GNAL: variants seen among roughly 807,000 people sequenced by gnomAD.
GNAL encodes G protein subunit alpha L.
A neutral mutation model predicts 55.1 loss-of-function variants in GNAL; 18 were observed. That is an observed-to-expected ratio of 0.33 (90% CI 0.23 to 0.48). The LOEUF (loss-of-function observed/expected upper bound fraction) is 0.48. Among genes scored for constraint, GNAL ranks in the 20% least tolerant of loss-of-function variants. The pLI, the probability that GNAL is intolerant of heterozygous loss-of-function variation, is 0.99. For synonymous variants in GNAL, 253 were observed against 237.0 expected (o/e 1.07, Z -0.62); for missense variants, 412 against 614.1 (o/e 0.67, Z 3.48).
At chr18:11,777,281 C>A (rs966720305) in intron 4 of GNAL, among the ~76,000 whole-genome samples, 1 of 152,178 alleles carries the variant, frequency 6.6e-6, no homozygotes, top group Non-Finnish European at 1.5e-5. Flanking sequence ...GTGAGAATTT[C>A]TCACTTCTAA....
intron 4 of GNAL, chr18:11,810,260 G>A (rs1388381012): frequency 6.6e-6 from 1 of 152,310 alleles, no homozygotes; most frequent in African/African-American, 2.4e-5. Context: ...CAGGCGTGGT[G>A]GTGTGCGCCT....
At chr18:11,775,649 T>G (rs2033762416) in intron 4 of GNAL, among the ~76,000 whole-genome samples, 1 of 152,186 alleles carries the variant, frequency 6.6e-6, no homozygotes, top group African/African-American at 2.4e-5. Context: ...AAGAGGAAGA[T>G]GCACATCAGA....
chr18:11,828,073 G>C (rs1455913842), intron 5 of GNAL, among the ~76,000 whole-genome samples: 3 of 152,232 alleles, frequency 2.0e-5, no homozygotes, highest in East Asian at 1.9e-4. Context: ...TTGCTCTCAT[G>C]TTATTTGGTT....
intron 10 of GNAL, among the ~76,000 whole-genome samples, chr18:11,874,684 G>C (rs755128786): frequency 9.4e-5 from 14 of 148,240 alleles, no homozygotes; most frequent in Non-Finnish European, 1.9e-4. Context: ...ATGGTACACG[G>C]ACACTCTGGG....
At chr18:11,757,573 C>T (rs1054146909) in intron 4 of GNAL, among the ~76,000 whole-genome samples, 4 of 152,094 alleles carry the variant, frequency 2.6e-5, no homozygotes, top group Non-Finnish European at 4.4e-5. Context: ...TTAGACTTGT[C>T]GGCATGTGGA....
intron 4 of GNAL, among the ~76,000 whole-genome samples, chr18:11,795,390 C>CA (rs752221474): frequency 0.018 from 1,222 of 67,786 alleles, 17 homozygotes; most frequent in African/African-American, 0.039. Flanking sequence ...GACCCTGTCT[C>CA]AAAAAAAAAA....
At chr18:11,728,340 A>G (rs2032258929) in intron 1 of GNAL, among the ~76,000 whole-genome samples, 1 of 152,214 alleles carries the variant, frequency 6.6e-6, no homozygotes, top group Admixed American at 6.5e-5. Context: ...CTGATGATTT[A>G]AAAGGACTCA....
intron 10 of GNAL, among the ~76,000 whole-genome samples, chr18:11,875,600 C>A (rs2036512638): frequency 6.6e-6 from 1 of 152,158 alleles, no homozygotes; most frequent in South Asian, 2.1e-4. Context: ...CGCTCCTGCC[C>A]TGGCCACGTG....
intron 4 of GNAL, among the ~76,000 whole-genome samples, chr18:11,768,547 G>T (rs2033484757): frequency 6.6e-6 from 1 of 151,902 alleles, no homozygotes; most frequent in Non-Finnish European, 1.5e-5. Flanking sequence ...GTTGCGGTGA[G>T]CTGAGATCAC....
At chr18:11,819,707 A>G (rs1204926489) in intron 4 of GNAL, among the ~76,000 whole-genome samples, 1 of 152,072 alleles carries the variant, frequency 6.6e-6, no homozygotes, top group African/African-American at 2.4e-5. Context: ...TCAGACACAT[A>G]CACACAAAAA....
chr18:11,731,030 T>G (rs2032327921), intron 1 of GNAL, among the ~76,000 whole-genome samples: 1 of 152,248 alleles, frequency 6.6e-6, no homozygotes, highest in Non-Finnish European at 1.5e-5. Flanking sequence ...TCTATTGCAT[T>G]AGACTGATGA....
In GNAL at chr18:11,707,963, G is replaced by T. The variant is rs554116399; in HGVS notation, c.376+18024G>T. Among the ~76,000 whole-genome samples the T allele has an allele frequency of 2.0e-5, 3 of 152,300 alleles. No individual in the cohort carries two copies. The East Asian group carries it at 5.8e-4, about 29-fold the overall frequency. The stretch of plus-strand genomic sequence containing the variant: ...ACCTTCCTAGAATTGAAAAGTTAGG[G>T]CCTTGTTCCAACTTAGGCTTTGGCT... On this transcript the variant is annotated intron_variant, in intron 1 of 11. Transcript: ENST00000334049.
At chr18:11,836,932 G>A (rs1317430101) in intron 5 of GNAL, among the ~76,000 whole-genome samples, 3 of 152,128 alleles carry the variant, frequency 2.0e-5, no homozygotes, top group African/African-American at 7.2e-5. Context: ...TTCATATCTT[G>A]AACCTAGTTT....
At position 11,751,174 on chromosome 18, in the gene GNAL, T is replaced by C. The variant is rs73397878; in HGVS notation, c.377-1679T>C. Among the ~76,000 whole-genome samples, 1,623 of 152,222 alleles carry C rather than the reference T, an allele frequency of 0.011. 13 individuals carry two copies. Among genetic ancestry groups the C allele is most frequent in the African/African-American group, 0.022 (896 of 41,532 alleles). On this transcript the variant is annotated intron_variant, in intron 1 of 11. Transcript: ENST00000334049. The surrounding 1 kb of genome is among the most constrained non-coding windows in gnomAD (Gnocchi z 4.5). ...GCCACACACAAGGAACAGTGATTTC[T>C]CCACGCCCACGGCTGGTGTCCACGA... is the stretch of plus-strand genomic sequence containing the variant.
At chr18:11,854,281 T>A (rs1246134122) in intron 5 of GNAL, 1 of 167,168 alleles carries the variant, frequency 6.0e-6, no homozygotes, top group African/African-American at 2.4e-5. Context: ...GCTTGAACTT[T>A]CTTAAAATAT....
intron 5 of GNAL, among the ~76,000 whole-genome samples, chr18:11,829,250 G>A (rs2035321529): frequency 6.6e-6 from 1 of 152,128 alleles, no homozygotes; most frequent in Non-Finnish European, 1.5e-5. Flanking sequence ...TCCCCCTTGA[G>A]GCCTCACTAT....
chr18:11,794,546 A>T (rs2143457788), intron 4 of GNAL, among the ~76,000 whole-genome samples: 1 of 152,280 alleles, frequency 6.6e-6, no homozygotes, highest in South Asian at 2.1e-4. Flanking sequence ...AGAGACAGAA[A>T]GCAAATTGGT....
At chr18:11,764,973 A>G (rs2033360305) in intron 4 of GNAL, among the ~76,000 whole-genome samples, 1 of 152,214 alleles carries the variant, frequency 6.6e-6, no homozygotes, top group Non-Finnish European at 1.5e-5. Flanking sequence ...ATATCTATAA[A>G]ATCAGTTGAT....
intron 4 of GNAL, among the ~76,000 whole-genome samples, chr18:11,757,439 G>A (rs1043097655): frequency 1.3e-5 from 2 of 152,076 alleles, no homozygotes; most frequent in African/African-American, 4.8e-5. Flanking sequence ...GTTGAAGGAG[G>A]GCAACCACTT....
Sources: allele counts gnomAD v4.1 joint callset (sites outside exome capture counted in the v4.1 genomes callset), GRCh38; gene constraint gnomAD v4.1.1; non-coding constraint Gnocchi (gnomAD v3.1); transcripts MANE v1.5; gene names NCBI Gene and HGNC (gene_info 2026-07-23, HGNC 2026-07-21).